The following CHD8 variants were observed in gnomAD, a reference collection of about 807,000 sequenced individuals.
CHD8 encodes the protein chromodomain helicase DNA binding protein 8, also known as ATP-dependent chromatin remodeler CHD8.
CHD8 carries 31 observed loss-of-function variants against 279.2 expected under a neutral mutation model. That is an observed-to-expected ratio of 0.11 (90% CI 0.08 to 0.15). The LOEUF is 0.15. CHD8 is among the 10% of genes least tolerant of loss of function. The pLI, the probability that CHD8 is intolerant of heterozygous loss-of-function variation, is 1.00. For missense variants in CHD8, 2,146 were observed against 3,230.5 expected, an observed-to-expected ratio of 0.66 and a Z score of 8.14; for synonymous variants, 1,081 against 1,139.6, an observed-to-expected ratio of 0.95 and a Z score of 1.04.
chr14:21,436,269 C>T (rs1025175926), intron 1 of CHD8, among the ~76,000 whole-genome samples: 3 of 152,182 alleles, frequency 2.0e-5, no homozygotes, highest in African/African-American at 7.2e-5. Flanking sequence ...GACATAAATA[C>T]ATGTTACTGA....
chr14:21,442,115 G>T (rs946467804), intron 1 of CHD8, among the ~76,000 whole-genome samples: 2 of 152,200 alleles, frequency 1.3e-5, no homozygotes, highest in Admixed American at 1.3e-4. Flanking sequence ...GGGAGGCCAA[G>T]GCCAAAGAAT....
Position 21,431,750 on chromosome 14 carries a change from G to GT in CHD8, c.-108dup, listed in dbSNP as rs1889573490. 3 of 1,612,506 alleles carry GT rather than the reference G, an allele frequency of 1.9e-6. No homozygotes were observed. Among genetic ancestry groups the GT allele is most frequent in the Non-Finnish European group, 2.5e-6 (3 of 1,178,738 alleles). ...CTATTAAGAAAAAAATGTACACAAT[G>GT]TAAGAGGACTACTCTTCAAGTATAG... On this transcript the variant is annotated 5_prime_UTR_variant, in exon 2 of 38. Coordinates refer to ENST00000646647, the MANE Select transcript of CHD8 (RefSeq NM_001170629.2).
intron 37 of CHD8, among the ~76,000 whole-genome samples, chr14:21,386,598 G>A (rs1334139324): frequency 6.6e-6 from 1 of 152,208 alleles, no homozygotes; most frequent in Non-Finnish European, 1.5e-5. Flanking sequence ...AGCACTTTGG[G>A]AGGCCGAGGC....
Position 21,385,199 on chromosome 14 carries a change from A to G in CHD8, c.*414T>C. 5.6e-6 allele frequency: 1 copy of G among 179,194 alleles called. No individual in the cohort carries two copies. Among genetic ancestry groups the G allele is most frequent in the Non-Finnish European group, 1.2e-5 (1 of 84,018 alleles). The allele number at this position is 179,194 out of a possible 1,614,324, so 11.1% of individuals were successfully genotyped here. On this transcript the variant is annotated 3_prime_UTR_variant, in exon 38 of 38. Coordinates refer to ENST00000646647, the MANE Select transcript of CHD8 (RefSeq NM_001170629.2). ...AACATAGAACAAAGGAAGAGTGGAA[A>G]AGGATTAACTTAAATTTATTAATGC...
Position 21,408,630 on chromosome 14 carries a change from A to C in CHD8, c.2486+74T>G. The C allele has an allele frequency of 6.4e-7, 1 of 1,566,770 alleles. No homozygotes were observed. The highest frequency in any genetic ancestry group is 8.6e-7 in the Non-Finnish European group (1 of 1,157,132). ...AAAAAAATAGAGTATGTAGGAAGAA[A>C]TTGTTTCAATAGAAAACAAATAAAA... On this transcript the variant is annotated intron_variant, in intron 12 of 37. Transcript: ENST00000646647. The surrounding 1 kb of genome is among the most constrained non-coding windows in gnomAD (Gnocchi z 4.3).
At chr14:21,399,031 T>A (rs1298811834) in intron 26 of CHD8, 1 of 405,736 alleles carries the variant, frequency 2.5e-6, no homozygotes, top group East Asian at 6.7e-5. Context: ...AAGGAGGGCA[T>A]CCCACCTGAC....
chr14:21,445,894 G>A (rs1890105305), intron 1 of CHD8, among the ~76,000 whole-genome samples: 1 of 152,070 alleles, frequency 6.6e-6, no homozygotes, highest in Non-Finnish European at 1.5e-5. Flanking sequence ...CAGCTACTCG[G>A]GAGGCTGAGG....
chr14:21,439,683 A>G (rs1412079249), intron 1 of CHD8, among the ~76,000 whole-genome samples: 3 of 152,172 alleles, frequency 2.0e-5, no homozygotes, highest in African/African-American at 4.8e-5. Context: ...ATCCTAAAAC[A>G]CGGTATGGCC....
intron 1 of CHD8, among the ~76,000 whole-genome samples, chr14:21,435,056 TAAG>T (rs1291617820): frequency 2.0e-5 from 3 of 152,324 alleles, no homozygotes; most frequent in African/African-American, 7.2e-5. Flanking sequence ...TTTATCATAT[TAAG>T]AATGAAAAGC....
intron 1 of CHD8, among the ~76,000 whole-genome samples, chr14:21,446,401 T>C (rs918096311): frequency 8.0e-5 from 12 of 149,886 alleles, no homozygotes; most frequent in Non-Finnish European, 1.8e-4. Flanking sequence ...AACCTCTGTC[T>C]CCCAGGCTCA....
rs1888103113 is a variant in CHD8 at position 21,403,010 on chromosome 14, C to T, written c.3714+7G>A. 7 of 1,610,154 alleles carry T rather than the reference C, an allele frequency of 4.3e-6. No homozygotes were observed. The highest frequency in any genetic ancestry group is 5.1e-6 in the Non-Finnish European group (6 of 1,177,100). ...TAGTTAGTCCCTAAGACAATGAATT[C>T]CTTTACCTGCAGGTCATTTTGTGGA... On this transcript the variant is annotated splice_region_variant and intron_variant, in intron 18 of 37. Transcript: ENST00000646647. This position sits in a 1 kb window ranked among gnomAD's most constrained non-coding sequence, Gnocchi z 4.3.
intron 5 of CHD8, 21 bp from the exon 6 acceptor site, chr14:21,415,928 A>G: frequency 6.2e-7 from 1 of 1,603,246 alleles, no homozygotes; most frequent in Non-Finnish European, 8.5e-7. Flanking sequence ...AAAAGTAGTT[A>G]GAGTGACTAG....
intron 5 of CHD8, among the ~76,000 whole-genome samples, chr14:21,422,296 G>A (rs111301058): frequency 2.6e-5 from 4 of 152,162 alleles, no homozygotes; most frequent in African/African-American, 9.6e-5. Context: ...AGCCGAGATT[G>A]TGCTACTGCA....
In CHD8 at chr14:21,397,882, A is replaced by G; in HGVS notation, c.4992T>C (p.Asp1664=). Residue 1664 remains aspartate, a synonymous_variant, in exon 27 of 38, where the codon GAT becomes GAC. Transcript: ENST00000646647. ...GATGTTCTGCTGCAATTGCTTTGTC[A>G]TCTGGTCGGCCAGCCTTTTCTAGGA... ...LCFLEKAGRP[D]DKAIAAEHRV... is the part of the protein sequence containing the mutation. 2.5e-6 allele frequency: 4 copies of G among 1,613,146 alleles called. No homozygotes were observed. Among genetic ancestry groups the G allele is most frequent in the Non-Finnish European group, 3.4e-6 (4 of 1,179,448 alleles).
rs373103574 is a variant in CHD8 at position 21,405,222 on chromosome 14, T to C, written c.3294A>G (p.Pro1098=). 161 of 1,613,720 alleles carry C rather than the reference T, an allele frequency of 1.0e-4. No individual in the cohort carries two copies. Among genetic ancestry groups the C allele is most frequent in the Non-Finnish European group, 1.3e-4 (155 of 1,179,810 alleles). The change falls in exon 16 of 38, where the codon CCA becomes CCG. Residue 1098 remains proline (P), a synonymous_variant. Transcript: ENST00000646647. The surrounding 1 kb of genome is among the most constrained non-coding windows in gnomAD (Gnocchi z 4.2). Reference sequence around the variant, plus strand: ...GCATTCCCTCACCATTGATGAGATATGGGTGGTTGCAGCACTTGCGCAACT... The same window carrying C: ...GCATTCCCTCACCATTGATGAGATACGGGTGGTTGCAGCACTTGCGCAACT... ...MMELRKCCNH[P]YLINGAEEKI... is the part of the protein sequence containing the mutation.
At chr14:21,418,339 G>A (rs1480735835) in intron 5 of CHD8, among the ~76,000 whole-genome samples, 1 of 151,514 alleles carries the variant, frequency 6.6e-6, no homozygotes, top group Non-Finnish European at 1.5e-5. Flanking sequence ...CCAACATGGT[G>A]AAACACTGTC....
Position 21,408,474 on chromosome 14 carries a change from C to A in CHD8, c.2568G>T (p.Val856=). Residue 856 remains valine, a synonymous_variant, in exon 13 of 38, where the codon GTG becomes GTT. Coordinates refer to ENST00000646647, the MANE Select transcript of CHD8 (RefSeq NM_001170629.2). The surrounding 1 kb of genome is among the most constrained non-coding windows in gnomAD (Gnocchi z 4.3). The part of the protein sequence containing the change: ...SIAFLQEVYN[V]GIHGPFLVIA... Reference sequence around the variant, plus strand: ...TGACCAAGAAGGGACCATGGATGCCCACATTATATACTTCCTGCAAGAAGG... The same window carrying A: ...TGACCAAGAAGGGACCATGGATGCCAACATTATATACTTCCTGCAAGAAGG... 6.2e-7 allele frequency: 1 copy of A among 1,613,848 alleles called. No individual in the cohort carries two copies. The highest frequency in any genetic ancestry group is 1.1e-5 in the South Asian group (1 of 91,080).
At chr14:21,432,247 C>T (rs1014989068) in intron 1 of CHD8, among the ~76,000 whole-genome samples, 2 of 152,128 alleles carry the variant, frequency 1.3e-5, no homozygotes, top group African/African-American at 4.8e-5. Context: ...TACAGTGACT[C>T]TATAGATAAA....
Position 21,397,879 on chromosome 14 carries a change from G to T in CHD8, c.4995C>A (p.Asp1665Glu). 6.2e-7 allele frequency: 1 copy of T among 1,613,102 alleles called. No homozygotes were observed. Among genetic ancestry groups the T allele is most frequent in the East Asian group, 2.2e-5 (1 of 44,856 alleles). ...CFLEKAGRPD[D>E]KAIAAEHRVL... The stretch of plus-strand genomic sequence containing the variant: ...CTCGATGTTCTGCTGCAATTGCTTT[G>T]TCATCTGGTCGGCCAGCCTTTTCTA... The change falls in exon 27 of 38, where the codon GAC becomes GAA. Residue 1665 changes from aspartate (D) to glutamate (E), a missense_variant. Physicochemically the swap from Asp to Glu is conservative, Grantham distance 45. Transcript: ENST00000646647.
Sources: allele counts gnomAD v4.1 joint callset (sites outside exome capture counted in the v4.1 genomes callset), GRCh38; gene constraint gnomAD v4.1.1; non-coding constraint Gnocchi (gnomAD v3.1); transcripts MANE v1.5; gene names NCBI Gene and HGNC (gene_info 2026-07-23, HGNC 2026-07-21).